Variants in TPP1 observed in about 807,000 individuals in gnomAD.
TPP1 encodes the protein tripeptidyl-peptidase 1.
In TPP1, 43 loss-of-function variants were observed where a neutral mutation model predicts 67.6. The observed-to-expected ratio is 0.64, with a 90% CI of 0.50 to 0.82. The LOEUF is 0.82. TPP1 is among the 40% of genes least tolerant of loss of function. The pLI, the probability that TPP1 is intolerant of heterozygous loss-of-function variation, is 0.00. For synonymous variants in TPP1, 272 were observed against 281.5 expected (o/e 0.97, Z 0.34); for missense variants, 671 against 710.9 (o/e 0.94, Z 0.64).
In TPP1 at chr11:6,614,391, T is replaced by A. The variant is rs1395269811; in HGVS notation, c.*155A>T. ...TGATGGAGCATGGTAGGGTTGGGAG[T>A]CAAGTCAAGCTCACAGCATTTCAGG... is the stretch of plus-strand genomic sequence containing the variant. On this transcript the variant is annotated 3_prime_UTR_variant, in exon 13 of 13. Coordinates refer to ENST00000299427, the MANE Select transcript of TPP1 (RefSeq NM_000391.4). 2.0e-6 allele frequency: 2 copies of A among 1,008,772 alleles called. No homozygotes were observed. The highest frequency in any genetic ancestry group is 2.5e-5 in the East Asian group (1 of 40,058). The allele number at this position is 1,008,772 out of a possible 1,614,324, so 62.5% of individuals were successfully genotyped here.
intron 9 of TPP1, 77 bp downstream of exon 9, chr11:6,615,928 C>A: frequency 6.5e-7 from 1 of 1,532,648 alleles, no homozygotes; most frequent in Non-Finnish European, 9.0e-7. Flanking sequence ...ATGGTGGGGT[C>A]AAGACAAAGG....
At chr11:6,618,473 C>T in intron 3 of TPP1, 1 of 577,874 alleles carries the variant, frequency 1.7e-6, no homozygotes, top group Admixed American at 3.1e-5. Flanking sequence ...AATCCAAAGG[C>T]TCTTTGGGAG....
chr11:6,616,672 T>C lies in TPP1; in HGVS notation c.875A>G (p.Tyr292Cys). ...SAGANISTWV[Y>C]SSPGRHEGQE... is the part of the protein sequence containing the mutation. ...CCTCTTGGTAGTACCAGGGCTACTGTAGACCCAGGTGGAGATGTTGGCACC... is the reference window on the plus strand; with the variant it reads ...CCTCTTGGTAGTACCAGGGCTACTGCAGACCCAGGTGGAGATGTTGGCACC... The change falls in exon 7 of 13, where the codon TAC becomes TGC. Residue 292 changes from tyrosine (Y) to cysteine (C), a missense_variant. Coordinates refer to ENST00000299427, the MANE Select transcript of TPP1 (RefSeq NM_000391.4). 1 of 1,614,070 alleles carries C rather than the reference T, an allele frequency of 6.2e-7. No individual in the cohort carries two copies. Among genetic ancestry groups the C allele is most frequent in the South Asian group, 1.1e-5 (1 of 91,078 alleles).
Position 6,614,666 on chromosome 11 carries a change from C to T in TPP1, c.1572G>A (p.Glu524=). The change falls in exon 13 of 13, where the codon GAG becomes GAA. Residue 524 remains glutamate (E), a synonymous_variant. Coordinates refer to ENST00000299427, the MANE Select transcript of TPP1 (RefSeq NM_000391.4). ...CCTCTACCTCTTCATCCAGACAGGA[C>T]TCATGGCAGCCACGGGTTACCTAGG... ...GLFDVTRGCH[E]SCLDEEVEGQ... The T allele has an allele frequency of 6.2e-7, 1 of 1,614,150 alleles. No individual in the cohort carries two copies. Among genetic ancestry groups the T allele is most frequent in the Non-Finnish European group, 8.5e-7 (1 of 1,180,008 alleles).
At chr11:6,617,257 C>T (rs1382978142) in intron 5 of TPP1, 44 bp downstream of exon 5, 14 of 1,614,000 alleles carry the variant, frequency 8.7e-6, no homozygotes, top group Non-Finnish European at 1.1e-5. Flanking sequence ...TCCTCAGCCC[C>T]TGGATCTGTG....
In TPP1 at chr11:6,613,490, A is replaced by C. The variant is rs759507831; in HGVS notation, c.*1056T>G. On this transcript the variant is annotated 3_prime_UTR_variant, in exon 13 of 13. Transcript: ENST00000299427. ...GAAGGGTTTTCATCCAAGTGGCCTGATGGGATTTGCATTTTACTCTGGAAG... is the reference window on the plus strand; with the variant it reads ...GAAGGGTTTTCATCCAAGTGGCCTGCTGGGATTTGCATTTTACTCTGGAAG... 1 of 152,268 alleles carries C rather than the reference A, an allele frequency of 6.6e-6. No homozygotes were observed. The highest frequency in any genetic ancestry group is 1.5e-5 in the Non-Finnish European group (1 of 68,024). 9.4% of individuals were successfully genotyped at this position (152,268 alleles called of 1,614,324 possible).
chr11:6,614,278 G>A lies in TPP1; in HGVS notation c.*268C>T, dbSNP rs1855541167. 2 of 533,286 alleles carry A rather than the reference G, an allele frequency of 3.8e-6. No homozygotes were observed. The highest frequency in any genetic ancestry group is 6.8e-6 in the Non-Finnish European group (2 of 294,192). 33.0% of individuals were successfully genotyped at this position (533,286 alleles called of 1,614,324 possible). A position where few individuals can be genotyped will look rare whatever the true frequency, so the allele number is the denominator to read the frequency against. ...GGAAAAGCCTGATTGAAAAGAGAAAGATGAGATGCGGAGGGAGAGGCATTC... is the reference window on the plus strand; with the variant it reads ...GGAAAAGCCTGATTGAAAAGAGAAAAATGAGATGCGGAGGGAGAGGCATTC... On this transcript the variant is annotated 3_prime_UTR_variant, in exon 13 of 13. Transcript: ENST00000299427.
intron 3 of TPP1, 121 bp downstream of exon 3, chr11:6,618,655 G>T (rs1285024353): frequency 3.5e-5 from 50 of 1,410,180 alleles, no homozygotes; most frequent in Non-Finnish European, 4.9e-5. Context: ...CCCCTTTTAG[G>T]TTTCTAGCCT....
Position 6,614,865 on chromosome 11 carries a change from C to T in TPP1, c.1551+1G>A, listed in dbSNP as rs786204553. 6.2e-7 allele frequency: 1 copy of T among 1,614,134 alleles called. No homozygotes were observed. The highest frequency in any genetic ancestry group is 8.5e-7 in the Non-Finnish European group (1 of 1,180,018). On this transcript the variant is annotated splice_donor_variant, in intron 12 of 12. Coordinates refer to ENST00000299427, the MANE Select transcript of TPP1 (RefSeq NM_000391.4). LOFTEE classifies it high-confidence loss of function. ...TCCACACCCTTCCCTTCCATACTTA[C>T]ATCAAAGAGTCCTGCCCCATGCTGC...
At position 6,613,040 on chromosome 11, in the gene TPP1, C is replaced by T. The variant is rs1044813837; in HGVS notation, c.*1506G>A. On this transcript the variant is annotated 3_prime_UTR_variant, in exon 13 of 13. Coordinates refer to ENST00000299427, the MANE Select transcript of TPP1 (RefSeq NM_000391.4). ...TATCAACATTATTCCACTTTATTCC[C>T]TGGTGATTATGAAAGGCAGGTATTG... is the stretch of plus-strand genomic sequence containing the variant. The T allele has an allele frequency of 6.6e-6, 1 of 152,524 alleles. No individual in the cohort carries two copies. Among genetic ancestry groups the T allele is most frequent in the Non-Finnish European group, 1.5e-5 (1 of 68,044 alleles). The allele number at this position is 152,524 out of a possible 1,614,324, so 9.4% of individuals were successfully genotyped here.
At position 6,614,952 on chromosome 11, in the gene TPP1, T is replaced by C. The variant is rs1198144212; in HGVS notation, c.1465A>G (p.Asn489Asp). The C allele has an allele frequency of 1.9e-6, 3 of 1,614,086 alleles. No individual in the cohort carries two copies. The highest frequency in any genetic ancestry group is 2.5e-6 in the Non-Finnish European group (3 of 1,180,022). Residue 489 changes from asparagine to aspartate, a missense_variant, in exon 12 of 13, where the codon AAT (asparagine) becomes GAT (aspartate). Transcript: ENST00000299427. Reference protein sequence around the residue: ...PVFGGILSLINEHRILSGRPP... With the variant: ...PVFGGILSLIDEHRILSGRPP... ...CGGCCACTAAGGATCCTGTGCTCAT[T>C]GATCAAGGATAGGATCCCCCCAAAC...
intron 11 of TPP1, 84 bp downstream of exon 11, chr11:6,615,086 CA>C: frequency 6.2e-7 from 1 of 1,613,744 alleles, no homozygotes; most frequent in East Asian, 2.2e-5. Context: ...TCTAAGGAGT[CA>C]GGGGTTCTAG....
At chr11:6,615,969 G>A in intron 9 of TPP1, 36 bp downstream of exon 9, 1 of 1,604,744 alleles carries the variant, frequency 6.2e-7, no homozygotes, top group East Asian at 2.2e-5. Flanking sequence ...AGTGAAAGGT[G>A]GTGGTTATAC....
rs1203662542 is a variant in TPP1 at position 6,614,848 on chromosome 11, C to T, written c.1551+18G>A. 1.9e-6 allele frequency: 3 copies of T among 1,613,990 alleles called. No homozygotes were observed. The highest frequency in any genetic ancestry group is 2.5e-6 in the Non-Finnish European group (3 of 1,180,016). On this transcript the variant is annotated intron_variant, in intron 12 of 12. Transcript: ENST00000299427. ...ATAGTTGTTTGAAAACGTCCACACC[C>T]TTCCCTTCCATACTTACATCAAAGA...
chr11:6,614,728 A>G (rs1238614899), intron 12 of TPP1, 42 bp from the exon 13 acceptor site: 9 of 1,614,118 alleles, frequency 5.6e-6, no homozygotes, highest in Non-Finnish European at 6.8e-6. Flanking sequence ...TACTAGTACC[A>G]GTACTTAAAG....
intron 12 of TPP1, 28 bp from the exon 13 acceptor site, chr11:6,614,714 G>A: frequency 6.2e-7 from 1 of 1,613,990 alleles, no homozygotes; most frequent in Non-Finnish European, 8.5e-7. Flanking sequence ...ATCAGATCTG[G>A]GCCTACTAGT....
intron 9 of TPP1, 55 bp from the exon 10 acceptor site, chr11:6,615,617 T>TA (rs1351045713): frequency 6.2e-7 from 1 of 1,611,138 alleles, no homozygotes; most frequent in Non-Finnish European, 8.5e-7. Context: ...ACCTCCAAGA[T>TA]ATGTGGGGAG....
chr11:6,618,322 G>A, intron 3 of TPP1: 2 of 345,406 alleles, frequency 5.8e-6, no homozygotes, highest in Non-Finnish European at 5.5e-6. Context: ...TGGAGAGACT[G>A]TTTTGAAGCA....
chr11:6,614,760 C>G (rs770409325), intron 12 of TPP1, 74 bp from the exon 13 acceptor site: 170 of 1,613,746 alleles, frequency 1.1e-4, no homozygotes, highest in Non-Finnish European at 1.4e-4. Flanking sequence ...TCACCCTGTA[C>G]TCACATTTCA....
Sources: gnomAD v4.1 joint callset for allele counts on GRCh38, gnomAD v4.1.1 for gene constraint, MANE v1.5 for transcripts, NCBI Gene and HGNC (gene_info 2026-07-23, HGNC 2026-07-21) for gene names.